Variants in RPN1 observed in about 807,000 individuals in gnomAD.
RPN1 encodes dolichyl-diphosphooligosaccharide--protein glycosyltransferase subunit 1.
A neutral mutation model predicts 55.5 loss-of-function variants in RPN1; 12 were observed. That is an observed-to-expected ratio of 0.22 (90% CI 0.14 to 0.35). The LOEUF (loss-of-function observed/expected upper bound fraction) is 0.35. RPN1 is among the 10% of genes least tolerant of loss of function. RPN1 has a pLI of 1.00. For synonymous variants in RPN1, 317 were observed against 305.9 expected, an observed-to-expected ratio of 1.04 and a Z score of -0.38; for missense variants, 679 against 761.3, an observed-to-expected ratio of 0.89 and a Z score of 1.27.
At chr3:128,626,434 C>T (rs1435941229) in intron 6 of RPN1, among the ~76,000 whole-genome samples, 2 of 152,194 alleles carry the variant, frequency 1.3e-5, no homozygotes, top group Admixed American at 1.3e-4. Context: ...ACATGTCCTG[C>T]TTTTGTCTGC....
chr3:128,620,577 T>C lies in RPN1; in HGVS notation c.1658A>G (p.Lys553Arg). The C allele has an allele frequency of 6.2e-7, 1 of 1,613,542 alleles. No individual in the cohort carries two copies. The highest frequency in any genetic ancestry group is 8.5e-7 in the Non-Finnish European group (1 of 1,179,680). Residue 553 changes from lysine to arginine, a missense_variant, in exon 10 of 10, where the codon AAG (lysine) becomes AGG (arginine). By Grantham distance (26) the Lys-to-Arg change is conservative. Transcript: ENST00000296255. ...DLCDRVSEMQ[K>R]LDAQVKELVL... is the part of the protein sequence containing the mutation. Reference sequence around the variant, plus strand: ...CAGCTCCTTGACCTGTGCATCCAGCTTCTGCATTTCGCTCACCTGGCCGAG... The same window carrying C: ...CAGCTCCTTGACCTGTGCATCCAGCCTCTGCATTTCGCTCACCTGGCCGAG...
chr3:128,621,293 T>C (rs187266768), intron 9 of RPN1, among the ~76,000 whole-genome samples: 36 of 152,276 alleles, frequency 2.4e-4, no homozygotes, highest in Middle Eastern at 6.8e-3. Context: ...GGCAGAACAC[T>C]TGGGCTCAGG....
chr3:128,625,692 G>A, intron 7 of RPN1, 39 bp from the exon 8 acceptor site: 1 of 1,612,922 alleles, frequency 6.2e-7, no homozygotes, highest in Non-Finnish European at 8.5e-7. Context: ...CGGGGCTGTA[G>A]GGACATGGGA....
At chr3:128,624,829 C>T (rs895472495) in intron 8 of RPN1, among the ~76,000 whole-genome samples, 1 of 151,536 alleles carries the variant, frequency 6.6e-6, no homozygotes, top group South Asian at 2.1e-4. Flanking sequence ...AGCGAGACTC[C>T]ATCTCAAAAA....
chr3:128,634,930 C>T (rs1390779978), intron 3 of RPN1, among the ~76,000 whole-genome samples: 2 of 152,006 alleles, frequency 1.3e-5, no homozygotes, highest in African/African-American at 2.4e-5. Flanking sequence ...TTTTTAAAAG[C>T]CTGCGTAGAG....
chr3:128,644,203 G>A (rs2069749844), intron 2 of RPN1, among the ~76,000 whole-genome samples: 1 of 152,180 alleles, frequency 6.6e-6, no homozygotes, highest in Non-Finnish European at 1.5e-5. Context: ...GGAACCAGGA[G>A]GGAGAACTGA....
At chr3:128,635,324 C>CA (rs1265007762) in intron 3 of RPN1, among the ~76,000 whole-genome samples, 1 of 150,386 alleles carries the variant, frequency 6.6e-6, no homozygotes, top group Non-Finnish European at 1.5e-5. Context: ...TTTTTGGAGA[C>CA]AGAGTCTTGC....
chr3:128,632,022 GCA>G lies in RPN1; in HGVS notation c.767_768del (p.Val256AlafsTer2), dbSNP rs752199873. 7.4e-6 allele frequency: 12 copies of G among 1,614,046 alleles called. No individual in the cohort carries two copies. The highest frequency in any genetic ancestry group is 9.3e-6 in the Non-Finnish European group (11 of 1,180,056). On this transcript the variant is annotated frameshift_variant, in exon 4 of 10. Transcript: ENST00000296255. LOFTEE classifies it high-confidence loss of function. ...TCATAGCGTGAGAAAGGCCCCTTAA[GCA>G]CAGCTCCTGTGTGCTTTAAGTCCAC... is the stretch of plus-strand genomic sequence containing the variant. ...ENVDLKHTGA[V>X]LKGPFSRYDY...
At chr3:128,630,666 C>A (rs1002401511) in intron 4 of RPN1, among the ~76,000 whole-genome samples, 1 of 151,520 alleles carries the variant, frequency 6.6e-6, no homozygotes, top group Non-Finnish European at 1.5e-5. Context: ...ATTTATGGGA[C>A]AAAAAAGATT....
intron 2 of RPN1, among the ~76,000 whole-genome samples, chr3:128,643,823 C>T (rs2069746954): frequency 6.6e-6 from 1 of 151,728 alleles, no homozygotes; most frequent in African/African-American, 2.4e-5. Flanking sequence ...ATTAGCCGGG[C>T]ATGGTGGCAC....
Position 128,620,484 on chromosome 3 carries a change from T to C in RPN1, c.1751A>G (p.Glu584Gly). ...AGKLKKDTYI[E>G]NEKLISGKRQ... ...CTTTCCTGAGATGAGCTTCTCATTC[T>C]CAATGTACGTGTCTTTCTTGAGCTT... Residue 584 changes from glutamate to glycine, a missense_variant, in exon 10 of 10, where the codon GAG (glutamate) becomes GGG (glycine). Physicochemically the swap from Glu to Gly is moderately conservative, Grantham distance 98 (BLOSUM62 -2). Transcript: ENST00000296255. 1 of 1,614,180 alleles carries C rather than the reference T, an allele frequency of 6.2e-7. No individual in the cohort carries two copies. Among genetic ancestry groups the C allele is most frequent in the Non-Finnish European group, 8.5e-7 (1 of 1,180,020 alleles).
chr3:128,641,847 G>A (rs936053861), intron 2 of RPN1, among the ~76,000 whole-genome samples: 3 of 152,046 alleles, frequency 2.0e-5, no homozygotes, highest in African/African-American at 7.2e-5. Flanking sequence ...CCAACCTCAG[G>A]TGATCTGCCT....
At chr3:128,627,000 C>G in intron 5 of RPN1, 168 bp from the exon 6 acceptor site, 1 of 606,860 alleles carries the variant, frequency 1.6e-6, no homozygotes, top group South Asian at 2.0e-5. Flanking sequence ...CTACTGAACC[C>G]CACAACACAG....
intron 3 of RPN1, among the ~76,000 whole-genome samples, chr3:128,633,188 C>G (rs2069653239): frequency 6.6e-6 from 1 of 151,798 alleles, no homozygotes; most frequent in Non-Finnish European, 1.5e-5. Context: ...TTTTGAAAAA[C>G]TACTTGGCAA....
At chr3:128,631,819 A>G (rs1035959212) in intron 4 of RPN1, 129 bp downstream of exon 4, 31 of 932,868 alleles carry the variant, frequency 3.3e-5, no homozygotes, top group Non-Finnish European at 4.8e-5. Context: ...TAACACTGCC[A>G]ATCAACAAGA....
At chr3:128,645,644 C>A (rs1018262462) in intron 1 of RPN1, among the ~76,000 whole-genome samples, 1 of 151,406 alleles carries the variant, frequency 6.6e-6, no homozygotes, top group African/African-American at 2.4e-5. Context: ...TGGTGAAACC[C>A]CGTCTCTACG....
chr3:128,620,624 T>G, intron 9 of RPN1, 31 bp from the exon 10 acceptor site: 1 of 1,601,032 alleles, frequency 6.2e-7, no homozygotes, highest in South Asian at 1.1e-5. Context: ...GCAGGACTTG[T>G]GAGCTGTCCT....
chr3:128,648,168 C>A (rs1252797911), intron 1 of RPN1, among the ~76,000 whole-genome samples: 1 of 151,976 alleles, frequency 6.6e-6, no homozygotes, highest in Admixed American at 6.6e-5. Flanking sequence ...CCGAGGTGGG[C>A]GGATCATGAG....
chr3:128,642,423 G>A (rs2069732875), intron 2 of RPN1: 1 of 152,240 alleles, frequency 6.6e-6, no homozygotes, highest in Admixed American at 6.5e-5. Flanking sequence ...TGGCCAGGTA[G>A]TGGCTGATAC....
Sources: gnomAD v4.1 joint callset for allele counts (sites outside exome capture counted in the v4.1 genomes callset) on GRCh38, gnomAD v4.1.1 for gene constraint, MANE v1.5 for transcripts, NCBI Gene and HGNC (gene_info 2026-07-23, HGNC 2026-07-21) for gene names.